The following ALPL variants were observed in gnomAD, a reference collection of about 807,000 sequenced individuals.
ALPL encodes alkaline phosphatase, biomineralization associated, also known as alkaline phosphatase, tissue-nonspecific isozyme.
In ALPL, 42 loss-of-function variants were observed where a neutral mutation model predicts 51.3. The observed-to-expected ratio is 0.82, with a 90% CI of 0.64 to 1.06. The LOEUF (loss-of-function observed/expected upper bound fraction) is 1.06, where lower values mean the gene tolerates loss of function less well. Among genes scored for constraint, ALPL ranks in the 50% least tolerant of loss-of-function variants. The probability of loss-of-function intolerance (pLI) is 0.00; values close to 1 mark genes in which losing one functional copy is unlikely to be tolerated. For synonymous variants in ALPL, 279 were observed against 296.4 expected (o/e 0.94, Z 0.60); for missense variants, 589 against 709.4 (o/e 0.83, Z 1.93).
rs1043461437 is a variant in ALPL, at chr1:21,570,418, G to C, written c.862+44G>C. 3 of 1,597,646 alleles carry C rather than the reference G, an allele frequency of 1.9e-6. No homozygotes were observed. The Admixed American group carries it at 5.0e-5, about 27-fold the overall frequency. On this transcript the variant is annotated intron_variant, in intron 8 of 11. Coordinates refer to ENST00000374840, the MANE Select transcript of ALPL (RefSeq NM_000478.6). ...GGGGAGGATGCATGGCTCGGAGCCT[G>C]GTGGCCGGAGCTGCGTGTGGCCAGC...
intron 1 of ALPL, among the ~76,000 whole-genome samples, chr1:21,531,129 T>C (rs777411521): frequency 6.5e-4 from 99 of 152,078 alleles, no homozygotes; most frequent in South Asian, 1.2e-3. Context: ...AATTTTTGTA[T>C]TTTTAGTAGA....
chr1:21,519,566 G>T (rs961313538), intron 1 of ALPL, among the ~76,000 whole-genome samples: 1 of 152,234 alleles, frequency 6.6e-6, no homozygotes, highest in African/African-American at 2.4e-5. Context: ...GGAGGCCAAG[G>T]CGGGCAGATC....
chr1:21,554,198 G>A, intron 2 of ALPL, 56 bp downstream of exon 2: 1 of 1,531,244 alleles, frequency 6.5e-7, no homozygotes. Context: ...GGGGTATGAT[G>A]AGGGCAGTGT....
At chr1:21,511,765 G>A (rs1643692491) in intron 1 of ALPL, among the ~76,000 whole-genome samples, 1 of 152,172 alleles carries the variant, frequency 6.6e-6, no homozygotes, top group Admixed American at 6.5e-5. Context: ...GCCTCACCGT[G>A]TCCTAGCTCA....
intron 2 of ALPL, among the ~76,000 whole-genome samples, chr1:21,554,793 CTGT>C (rs1644379613): frequency 5.2e-5 from 2 of 38,266 alleles, no homozygotes; most frequent in African/African-American, 3.0e-4. Flanking sequence ...CCTGGCCTGT[CTGT>C]CTGTCTGTCT....
At chr1:21,535,346 G>A (rs933842924) in intron 1 of ALPL, among the ~76,000 whole-genome samples, 3 of 152,134 alleles carry the variant, frequency 2.0e-5, no homozygotes, top group African/African-American at 7.2e-5. Context: ...CTGGGTGTGG[G>A]GCCTCACCCG....
chr1:21,560,001 G>T (rs1160073531), intron 2 of ALPL, among the ~76,000 whole-genome samples: 2 of 152,248 alleles, frequency 1.3e-5, no homozygotes, highest in Non-Finnish European at 2.9e-5. Flanking sequence ...GATGAGAGAT[G>T]CAGAATGTCG....
At chr1:21,551,577 G>A (rs1423493831) in intron 1 of ALPL, 2 of 151,964 alleles carry the variant, frequency 1.3e-5, no homozygotes, top group Admixed American at 1.3e-4. Context: ...GGAATCATCT[G>A]AAATTCCAAA....
chr1:21,519,805 A>AAAAGAAAAC (rs1262636089), intron 1 of ALPL, among the ~76,000 whole-genome samples: 1 of 152,202 alleles, frequency 6.6e-6, no homozygotes, highest in Non-Finnish European at 1.5e-5. Flanking sequence ...TCAAGAAAAC[A>AAAAGAAAAC]AAAAGAAGAT....
Position 21,573,819 on chromosome 1 carries a change from TGA to T in ALPL, c.997+24_997+25del. ...TGGAAGGTAGGGACCCCGGGTCTGCTGAGAGGGGGCTGCTGGAAACACGGCCC... is the reference window on the plus strand; with the variant it reads ...TGGAAGGTAGGGACCCCGGGTCTGCTGAGGGGGCTGCTGGAAACACGGCCC... On this transcript the variant is annotated intron_variant, in intron 9 of 11. Coordinates refer to ENST00000374840, the MANE Select transcript of ALPL (RefSeq NM_000478.6). 6.2e-7 allele frequency: 1 copy of T among 1,614,020 alleles called. No homozygotes were observed. Among genetic ancestry groups the T allele is most frequent in the Non-Finnish European group, 8.5e-7 (1 of 1,179,974 alleles).
intron 1 of ALPL, among the ~76,000 whole-genome samples, chr1:21,541,167 C>T (rs892732160): frequency 3.3e-5 from 5 of 152,188 alleles, no homozygotes; most frequent in Admixed American, 2.6e-4. Flanking sequence ...TCCAGCCCCT[C>T]ATCTGCCCCA....
At chr1:21,521,350 A>G (rs897873364) in intron 1 of ALPL, among the ~76,000 whole-genome samples, 3 of 151,994 alleles carry the variant, frequency 2.0e-5, no homozygotes, top group African/African-American at 7.3e-5. Context: ...ACGCCTGGCT[A>G]ATTTTTGTAT....
intron 6 of ALPL, among the ~76,000 whole-genome samples, chr1:21,566,848 C>T (rs1374914888): frequency 2.0e-5 from 3 of 151,604 alleles, no homozygotes; most frequent in Non-Finnish European, 4.4e-5. Flanking sequence ...CCTCCCGCCT[C>T]AGCCTCCCAA....
Position 21,563,121 on chromosome 1 carries a change from C to T in ALPL, c.309C>T (p.Thr103=), listed in dbSNP as rs1479166579. 3 of 1,613,654 alleles carry T rather than the reference C, an allele frequency of 1.9e-6. No homozygotes were observed. The highest frequency in any genetic ancestry group is 1.1e-5 in the South Asian group (1 of 91,088). Residue 103 remains threonine, a synonymous_variant, in exon 5 of 12, where the codon ACC becomes ACT. Transcript: ENST00000374840. The stretch of plus-strand genomic sequence containing the variant: ...TCTCCCACCTGCAGACGTACAACAC[C>T]AATGCCCAGGTCCCTGACAGTGCCG... ...PFVALSKTYN[T]NAQVPDSAGT...
intron 1 of ALPL, among the ~76,000 whole-genome samples, chr1:21,514,135 G>A (rs753446167): frequency 2.0e-5 from 3 of 152,206 alleles, no homozygotes; most frequent in Admixed American, 6.5e-5. Flanking sequence ...TCAGCTAGGC[G>A]AAGGAGCTTT....
chr1:21,576,711 G>T, intron 11 of ALPL, 70 bp downstream of exon 11: 1 of 1,597,718 alleles, frequency 6.3e-7, no homozygotes, highest in Non-Finnish European at 8.6e-7. Context: ...GGAATAGGGT[G>T]TCAGCTTGTG....
At chr1:21,567,382 C>T (rs1045927835) in intron 6 of ALPL, among the ~76,000 whole-genome samples, 1 of 145,550 alleles carries the variant, frequency 6.9e-6, no homozygotes, top group African/African-American at 2.6e-5. Context: ...TCCGTCTGCC[C>T]GCACACACCA....
In ALPL at chr1:21,538,333, C is replaced by T. The variant is rs541007838; in HGVS notation, c.-104-15645C>T. Among the ~76,000 whole-genome samples, 18 of 152,272 alleles carry T rather than the reference C, an allele frequency of 1.2e-4. No homozygotes were observed. The South Asian group carries it at 3.3e-3, about 28-fold the overall frequency. Reference sequence around the variant, plus strand: ...GCCCTACTATGTCCCAAGGTCGCCGCGGAGATCAAACGCAAAAGCCACCGG... The same window carrying T: ...GCCCTACTATGTCCCAAGGTCGCCGTGGAGATCAAACGCAAAAGCCACCGG... On this transcript the variant is annotated intron_variant, in intron 1 of 11. Coordinates refer to ENST00000374840, the MANE Select transcript of ALPL (RefSeq NM_000478.6).
At chr1:21,569,338 G>A (rs540106455) in intron 7 of ALPL, among the ~76,000 whole-genome samples, 1 of 152,178 alleles carries the variant, frequency 6.6e-6, no homozygotes, top group South Asian at 2.1e-4. Flanking sequence ...GACGGGGAGA[G>A]AGCGTCTACA....
Sources: allele counts gnomAD v4.1 joint callset (sites outside exome capture counted in the v4.1 genomes callset), GRCh38; gene constraint gnomAD v4.1.1; transcripts MANE v1.5; gene names NCBI Gene and HGNC (gene_info 2026-07-23, HGNC 2026-07-21).